Variants in PLCB4 observed in about 807,000 individuals in gnomAD.
The protein encoded by PLCB4 is phospholipase C beta 4, also known as 1-phosphatidylinositol 4,5-bisphosphate phosphodiesterase beta-4.
A neutral mutation model predicts 178.8 loss-of-function variants in PLCB4; 77 were observed. That is an observed-to-expected ratio of 0.43 (90% CI 0.36 to 0.52). The LOEUF is 0.52. Among genes scored for constraint, PLCB4 ranks in the 20% least tolerant of loss-of-function variants. PLCB4 has a pLI of 0.00. For synonymous variants in PLCB4, 496 were observed against 490.8 expected, an observed-to-expected ratio of 1.01 and a Z score of -0.14; for missense variants, 1,024 against 1,453.4, an observed-to-expected ratio of 0.70 and a Z score of 4.80.
chr20:9,175,433 T>C (rs1568895909), intron 2 of PLCB4, among the ~76,000 whole-genome samples: 1 of 152,288 alleles, frequency 6.6e-6, no homozygotes, highest in East Asian at 1.9e-4. Flanking sequence ...TCAGTTCCAA[T>C]AAATTGTCCA....
intron 30 of PLCB4, among the ~76,000 whole-genome samples, chr20:9,438,587 G>A (rs2041924601): frequency 6.6e-6 from 1 of 151,980 alleles, no homozygotes; most frequent in South Asian, 2.1e-4. Flanking sequence ...GATACATCTG[G>A]GCAGAAATAT....
At chr20:9,340,607 C>T (rs1169638255) in intron 7 of PLCB4, among the ~76,000 whole-genome samples, 1 of 152,114 alleles carries the variant, frequency 6.6e-6, no homozygotes, top group African/African-American at 2.4e-5. Context: ...TATTACTCTT[C>T]TGAGATCAAC....
chr20:9,446,299 A>G (rs2042410769), intron 32 of PLCB4, among the ~76,000 whole-genome samples: 1 of 152,202 alleles, frequency 6.6e-6, no homozygotes, highest in African/African-American at 2.4e-5. Flanking sequence ...CCTGTGTAGG[A>G]TATGGGATGC....
At chr20:9,362,291 C>T (rs1013050633) in intron 7 of PLCB4, among the ~76,000 whole-genome samples, 1 of 152,172 alleles carries the variant, frequency 6.6e-6, no homozygotes, top group Non-Finnish European at 1.5e-5. Context: ...TTCACTTGTC[C>T]TTGTAAAACA....
At chr20:9,380,022 T>G in intron 12 of PLCB4, 32 bp from the exon 13 acceptor site, 1 of 1,160,502 alleles carries the variant, frequency 8.6e-7, no homozygotes, top group Admixed American at 1.9e-5. Flanking sequence ...CCAAGAAATA[T>G]CAACCTAAAT....
rs550132622 is a variant in PLCB4, at chr20:9,289,669, A to G, written c.-15-18131A>G. ...TTCCCTCATTTTGGTTGGAGGCCAT[A>G]TCTTTAGAGTGTTTTTTTACTTGAA... On this transcript the variant is annotated intron_variant, in intron 3 of 39. Coordinates refer to ENST00000378473, the MANE Select transcript of PLCB4 (RefSeq NM_001377142.1). Among the ~76,000 whole-genome samples the G allele has an allele frequency of 2.4e-4, 36 of 152,174 alleles. 1 individual carries two copies. Among genetic ancestry groups the G allele is most frequent in the African/African-American group, 7.7e-4 (32 of 41,524 alleles).
At chr20:9,150,112 T>G (rs1192813651) in intron 2 of PLCB4, among the ~76,000 whole-genome samples, 1 of 152,192 alleles carries the variant, frequency 6.6e-6, no homozygotes, top group Non-Finnish European at 1.5e-5. Flanking sequence ...TGAAGCAGTG[T>G]CTGGGCGTCA....
chr20:9,423,715 G>T, intron 27 of PLCB4, 33 bp from the exon 28 acceptor site: 1 of 1,577,592 alleles, frequency 6.3e-7, no homozygotes, highest in Non-Finnish European at 8.7e-7. Context: ...CGCTGCATTG[G>T]AAAAATCAGT....
chr20:9,082,995 C>T (rs996926800), intron 1 of PLCB4, among the ~76,000 whole-genome samples: 2 of 152,114 alleles, frequency 1.3e-5, no homozygotes, highest in Non-Finnish European at 2.9e-5. Flanking sequence ...ACATGGCAGA[C>T]CAACAGGTTT....
At chr20:9,353,481 A>AT (rs1212404420) in intron 7 of PLCB4, among the ~76,000 whole-genome samples, 1 of 152,190 alleles carries the variant, frequency 6.6e-6, no homozygotes, top group Non-Finnish European at 1.5e-5. Context: ...AACTTGTTTA[A>AT]TTTTTACTTC....
At chr20:9,241,122 A>G (rs1475567373) in intron 3 of PLCB4, among the ~76,000 whole-genome samples, 1 of 152,186 alleles carries the variant, frequency 6.6e-6, no homozygotes, top group Non-Finnish European at 1.5e-5. Context: ...TGAAAAATTA[A>G]TTTGTGGTGG....
chr20:9,183,276 C>T (rs1261637846), intron 2 of PLCB4, among the ~76,000 whole-genome samples: 1 of 152,110 alleles, frequency 6.6e-6, no homozygotes, highest in Non-Finnish European at 1.5e-5. Flanking sequence ...GATTGGGTCA[C>T]TAAGCCCATC....
At chr20:9,327,726 G>T (rs1023254152) in intron 4 of PLCB4, among the ~76,000 whole-genome samples, 1 of 151,498 alleles carries the variant, frequency 6.6e-6, no homozygotes, top group African/African-American at 2.4e-5. Flanking sequence ...CAGTGAGCTG[G>T]GATCATGCCC....
chr20:9,183,419 T>A (rs1327154664), intron 2 of PLCB4, among the ~76,000 whole-genome samples: 2 of 151,868 alleles, frequency 1.3e-5, no homozygotes, highest in Admixed American at 1.3e-4. Context: ...GCGGGAGGCA[T>A]GGGGGAAAGG....
chr20:9,233,076 G>T (rs915913756), intron 3 of PLCB4, among the ~76,000 whole-genome samples: 1 of 152,070 alleles, frequency 6.6e-6, no homozygotes, highest in African/African-American at 2.4e-5. Flanking sequence ...AATGGAAGCA[G>T]ATTTTGTTTT....
chr20:9,465,383 A>G (rs1029532044), intron 35 of PLCB4, among the ~76,000 whole-genome samples: 9 of 152,248 alleles, frequency 5.9e-5, no homozygotes, highest in African/African-American at 1.9e-4. Context: ...CAAGACAAGG[A>G]TGCCCTCTGT....
At chr20:9,379,877 G>T (rs1321559515) in intron 12 of PLCB4, among the ~76,000 whole-genome samples, 177 bp from the exon 13 acceptor site, 1 of 152,102 alleles carries the variant, frequency 6.6e-6, no homozygotes, top group African/African-American at 2.4e-5. Flanking sequence ...ATTCCCAAAT[G>T]TGGACTTTTT....
At chr20:9,475,810 G>A (rs1029556129) in intron 38 of PLCB4, among the ~76,000 whole-genome samples, 4 of 152,180 alleles carry the variant, frequency 2.6e-5, no homozygotes, top group Non-Finnish European at 5.9e-5. Flanking sequence ...AAGATACAGT[G>A]ACTTCATTTC....
At chr20:9,395,478 T>G in intron 18 of PLCB4, 45 bp from the exon 19 acceptor site, 1 of 1,326,988 alleles carries the variant, frequency 7.5e-7, no homozygotes, top group Non-Finnish European at 1.1e-6. Context: ...GGTTTGTATG[T>G]TACCTAGCAT....
Sources: gnomAD v4.1 joint callset for allele counts (sites outside exome capture counted in the v4.1 genomes callset) on GRCh38, gnomAD v4.1.1 for gene constraint, MANE v1.5 for transcripts, NCBI Gene and HGNC (gene_info 2026-07-23, HGNC 2026-07-21) for gene names.